ANOS1: variants seen among roughly 807,000 people sequenced by gnomAD.
ANOS1 encodes the protein anosmin 1.
A neutral mutation model predicts 59.0 loss-of-function variants in ANOS1; 6 were observed. The observed-to-expected ratio is 0.10, with a 90% CI of 0.06 to 0.20. The LOEUF (loss-of-function observed/expected upper bound fraction) is 0.20. Among genes scored for constraint, ANOS1 ranks in the 10% least tolerant of loss-of-function variants. The pLI is 1.00. For synonymous variants in ANOS1, 217 were observed against 223.4 expected (o/e 0.97, Z 0.25); for missense variants, 433 against 542.3 (o/e 0.80, Z 2.00).
chrX:8,623,552 C>A, intron 3 of ANOS1, 56 bp downstream of exon 3: 3 of 899,090 alleles, frequency 3.3e-6, no homozygotes, highest in Non-Finnish European at 4.9e-6. Context: ...CATGACCCCA[C>A]GTAAGCATAG....
intron 3 of ANOS1, among the ~76,000 whole-genome samples, chrX:8,613,473 G>A (rs2896897): frequency 0.38 from 41,077 of 109,437 alleles, 5,610 homozygotes; most frequent in South Asian, 0.43. Flanking sequence ...TGATCCTCCC[G>A]TCTTGGCCTC....
At chrX:8,692,079 G>C (rs944549295) in intron 2 of ANOS1, among the ~76,000 whole-genome samples, 1 of 111,738 alleles carries the variant, frequency 8.9e-6, no homozygotes, top group African/African-American at 3.3e-5. Context: ...TGTCATAGAA[G>C]AGGGGTTGAC....
rs747582585 is a variant in ANOS1, at chrX:8,570,119, T to C, written c.1062+380A>G. Reference sequence around the variant, plus strand: ...AAAGCCATGAACATCCACTCTTCCATTTACAAGGATCTCTCTCTCTCAAAA... The same window carrying C: ...AAAGCCATGAACATCCACTCTTCCACTTACAAGGATCTCTCTCTCTCAAAA... On this transcript the variant is annotated intron_variant, in intron 7 of 13. Coordinates refer to ENST00000262648, the MANE Select transcript of ANOS1 (RefSeq NM_000216.4). Among the ~76,000 whole-genome samples the C allele has an allele frequency of 2.9e-5, 3 of 105,156 alleles. No individual in the cohort carries two copies. The East Asian group carries it at 8.8e-4, about 31-fold the overall frequency. 91.3% of individuals were successfully genotyped at this position (105,156 alleles called of 115,157 possible).
At chrX:8,646,539 T>C (rs907285376) in intron 2 of ANOS1, among the ~76,000 whole-genome samples, 1 of 111,083 alleles carries the variant, frequency 9.0e-6, no homozygotes, top group Non-Finnish European at 1.9e-5. Flanking sequence ...ATGGCTGCAA[T>C]AGAAAGCTTC....
chrX:8,576,660 G>C (rs1442601596), intron 6 of ANOS1, among the ~76,000 whole-genome samples: 1 of 110,337 alleles, frequency 9.1e-6, no homozygotes, highest in Non-Finnish European at 1.9e-5. Flanking sequence ...GGTTTTAGGG[G>C]TCAGAGAGGT....
chrX:8,537,369 G>A (rs1929613071), intron 10 of ANOS1, among the ~76,000 whole-genome samples: 1 of 111,752 alleles, frequency 8.9e-6, no homozygotes, highest in Non-Finnish European at 1.9e-5. Flanking sequence ...ATATTCTTTA[G>A]CAATATAATT....
chrX:8,542,149 G>A lies in ANOS1; in HGVS notation c.1355-2391C>T, dbSNP rs751820697. Among the ~76,000 whole-genome samples the A allele has an allele frequency of 1.9e-4, 21 of 107,970 alleles. No homozygotes were observed. In the South Asian group the frequency reaches 8.4e-3, roughly 43 times the overall value. The allele number at this position is 107,970 out of a possible 115,157, so 93.8% of individuals were successfully genotyped here. A position where few individuals can be genotyped will look rare whatever the true frequency, so the allele number is the denominator to read the frequency against. ...CATGAATCACTTCATTGATTCCCAT[G>A]GTTTGAAAAATTTTTCTGCTGACAG... is the stretch of plus-strand genomic sequence containing the variant. On this transcript the variant is annotated intron_variant, in intron 9 of 13. Coordinates refer to ENST00000262648, the MANE Select transcript of ANOS1 (RefSeq NM_000216.4).
intron 2 of ANOS1, among the ~76,000 whole-genome samples, chrX:8,650,047 G>GT (rs1267241414): frequency 3.5e-5 from 4 of 112,956 alleles, no homozygotes; most frequent in Admixed American, 1.9e-4. Context: ...CTTGCCCAGT[G>GT]TTACTTGTGT....
chrX:8,695,965 T>A (rs1023800458), intron 2 of ANOS1, among the ~76,000 whole-genome samples: 1 of 111,858 alleles, frequency 8.9e-6, no homozygotes, highest in Non-Finnish European at 1.9e-5. Context: ...CATTCCAAGA[T>A]GAAGCCGAGA....
At chrX:8,643,823 T>C (rs1364052731) in intron 2 of ANOS1, among the ~76,000 whole-genome samples, 1 of 111,893 alleles carries the variant, frequency 8.9e-6, no homozygotes, top group Non-Finnish European at 1.9e-5. Context: ...TCCTTTCCAT[T>C]GATCCCAGGT....
At chrX:8,537,698 T>A (rs1321876692) in intron 10 of ANOS1, among the ~76,000 whole-genome samples, 1 of 110,470 alleles carries the variant, frequency 9.1e-6, no homozygotes, top group East Asian at 2.8e-4. Flanking sequence ...TCGCTTGAAC[T>A]CAGGAGTTTG....
intron 6 of ANOS1, among the ~76,000 whole-genome samples, chrX:8,584,551 T>C (rs984522024): frequency 2.7e-5 from 3 of 112,184 alleles, no homozygotes; most frequent in Non-Finnish European, 5.6e-5. Context: ...TTGTTATTAG[T>C]AAGAGACTAA....
intron 1 of ANOS1, among the ~76,000 whole-genome samples, chrX:8,715,980 A>G (rs1350162088): frequency 9.0e-6 from 1 of 110,925 alleles, no homozygotes; most frequent in Non-Finnish European, 1.9e-5. Context: ...GCCAAGTAAG[A>G]GGCTCTGTTC....
intron 2 of ANOS1, among the ~76,000 whole-genome samples, chrX:8,693,273 A>T (rs1932633569): frequency 8.9e-6 from 1 of 111,777 alleles, no homozygotes; most frequent in Admixed American, 9.5e-5. Flanking sequence ...ATATTCCTAA[A>T]TATTCTCTCT....
intron 2 of ANOS1, among the ~76,000 whole-genome samples, chrX:8,656,236 G>A (rs1931929047): frequency 8.9e-6 from 1 of 112,503 alleles, no homozygotes; most frequent in African/African-American, 3.2e-5. Flanking sequence ...TATCAAAGCA[G>A]GGCTAAACCT....
intron 2 of ANOS1, among the ~76,000 whole-genome samples, chrX:8,663,935 A>G (rs1025659911): frequency 9.0e-6 from 1 of 111,581 alleles, no homozygotes; most frequent in Non-Finnish European, 1.9e-5. Context: ...GAGCCTCAGC[A>G]AACTAACACA....
intron 2 of ANOS1, among the ~76,000 whole-genome samples, chrX:8,679,352 G>A (rs1436697551): frequency 9.0e-6 from 1 of 110,900 alleles, no homozygotes; most frequent in Non-Finnish European, 1.9e-5. Flanking sequence ...CAGAGTACTC[G>A]AATTCATAGA....
intron 8 of ANOS1, among the ~76,000 whole-genome samples, chrX:8,564,379 C>G (rs1930077449): frequency 8.9e-6 from 1 of 111,842 alleles, no homozygotes; most frequent in Non-Finnish European, 1.9e-5. Context: ...AAGATGGTAG[C>G]TAGAATGAAA....
chrX:8,619,446 A>G (rs1022670247), intron 3 of ANOS1, among the ~76,000 whole-genome samples: 3 of 110,777 alleles, frequency 2.7e-5, no homozygotes, highest in African/African-American at 9.8e-5. Context: ...TCTACTAAAA[A>G]TACAAAAATT....
Sources: allele counts gnomAD v4.1 joint callset (sites outside exome capture counted in the v4.1 genomes callset), GRCh38; gene constraint gnomAD v4.1.1; transcripts MANE v1.5; gene names NCBI Gene and HGNC (gene_info 2026-07-23, HGNC 2026-07-21).